Variants in AEBP2 observed in about 807,000 individuals in gnomAD.
The protein encoded by AEBP2 is zinc finger protein AEBP2.
In AEBP2, 10 loss-of-function variants were observed where a neutral mutation model predicts 50.8. The observed-to-expected ratio is 0.20, with a 90% CI of 0.12 to 0.33. AEBP2 has a LOEUF of 0.33. AEBP2 is among the 10% of genes least tolerant of loss of function. AEBP2 has a pLI of 1.00. For synonymous variants in AEBP2, 296 were observed against 261.3 expected, an observed-to-expected ratio of 1.13 and a Z score of -1.28; for missense variants, 570 against 688.0, an observed-to-expected ratio of 0.83 and a Z score of 1.92.
intron 3 of AEBP2, among the ~76,000 whole-genome samples, chr12:19,492,285 T>TC (rs1331179750): frequency 1.3e-5 from 2 of 152,192 alleles, no homozygotes; most frequent in African/African-American, 2.4e-5. Flanking sequence ...CAAATTTTTT[T>TC]CCCCCAAGAT....
intron 1 of AEBP2, chr12:19,457,648 T>G: frequency 7.3e-7 from 1 of 1,374,132 alleles, no homozygotes; most frequent in Non-Finnish European, 9.4e-7. Flanking sequence ...TCCTTTCCCA[T>G]TTTGGCTTTT....
intron 3 of AEBP2, among the ~76,000 whole-genome samples, chr12:19,489,855 C>T (rs897402497): frequency 6.8e-6 from 1 of 146,980 alleles, no homozygotes; most frequent in African/African-American, 2.6e-5. Flanking sequence ...CTCTTTAGTT[C>T]TAAATTTTAC....
rs1344240452 is a variant in AEBP2 at position 19,519,707 on chromosome 12, C to T, written c.*1590C>T. On this transcript the variant is annotated 3_prime_UTR_variant, in exon 8 of 8. Transcript: ENST00000266508. Reference sequence around the variant, plus strand: ...AATATAGAATTAAAACCTTTGGTTCCAAAATGGGAAAGGTTCCACGATACA... The same window carrying T: ...AATATAGAATTAAAACCTTTGGTTCTAAAATGGGAAAGGTTCCACGATACA... The T allele has an allele frequency of 1.3e-5, 2 of 152,356 alleles. No homozygotes were observed. The highest frequency in any genetic ancestry group is 1.5e-5 in the Non-Finnish European group (1 of 67,930). 9.4% of individuals were successfully genotyped at this position (152,356 alleles called of 1,614,324 possible).
rs770489429 is a variant in AEBP2 at position 19,500,228 on chromosome 12, A to AT, written c.1299+9dup. 5 of 1,451,736 alleles carry AT rather than the reference A, an allele frequency of 3.4e-6. No homozygotes were observed. Among genetic ancestry groups the AT allele is most frequent in the Non-Finnish European group, 4.6e-6 (5 of 1,096,434 alleles). 89.9% of individuals were successfully genotyped at this position (1,451,736 alleles called of 1,614,324 possible). On this transcript the variant is annotated splice_region_variant and intron_variant, in intron 5 of 7. Coordinates refer to ENST00000266508, the MANE Select transcript of AEBP2 (RefSeq NM_153207.5). ...TGTTGTTTTTCATAGTACTGTAAGTATTCTTTTATTTTTTCAAATTAAATA... is the reference window on the plus strand; with the variant it reads ...TGTTGTTTTTCATAGTACTGTAAGTATTTCTTTTATTTTTTCAAATTAAATA...
chr12:19,459,356 T>C (rs528250159), intron 1 of AEBP2, among the ~76,000 whole-genome samples: 2 of 151,982 alleles, frequency 1.3e-5, no homozygotes, highest in Non-Finnish European at 2.9e-5. Context: ...CTTAGCCTCC[T>C]GAGTAGCTGG....
intron 3 of AEBP2, among the ~76,000 whole-genome samples, chr12:19,484,380 T>A (rs1185199097): frequency 6.6e-6 from 1 of 151,592 alleles, no homozygotes. Context: ...CTTAATAGTT[T>A]ATTTTTTTGA....
intron 1 of AEBP2, among the ~76,000 whole-genome samples, chr12:19,405,343 T>TG (rs1271224624): frequency 6.6e-6 from 1 of 152,010 alleles, no homozygotes; most frequent in Non-Finnish European, 1.5e-5. Flanking sequence ...ATTTTTTTTT[T>TG]TGAGACGGAG....
At chr12:19,418,389 C>CTTTTTT (rs372043971) in intron 1 of AEBP2, among the ~76,000 whole-genome samples, 11 of 94,924 alleles carry the variant, frequency 1.2e-4, no homozygotes, top group African/African-American at 3.6e-4. Flanking sequence ...CTATGCCTGG[C>CTTTTTT]TTTTTTTTTT....
chr12:19,440,170 C>G lies in AEBP2; in HGVS notation c.471C>G (p.Gly157=), dbSNP rs771958543. The G allele has an allele frequency of 6.0e-6, 9 of 1,490,106 alleles. No homozygotes were observed. Among genetic ancestry groups the G allele is most frequent in the East Asian group, 2.7e-5 (1 of 37,256 alleles). 92.3% of individuals were successfully genotyped at this position (1,490,106 alleles called of 1,614,324 possible). Residue 157 remains glycine (G), a synonymous_variant, in exon 1 of 8, where the codon GGC becomes GGG. Transcript: ENST00000266508. ...SSSGDGDGKE[G]LEEPKGPRGS... is the part of the protein sequence containing the mutation. The stretch of plus-strand genomic sequence containing the variant: ...GCGGGGATGGGGACGGCAAGGAGGG[C>G]CTGGAGGAGCCCAAGGGACCGCGGG...
chr12:19,454,915 A>G (rs1948240311), intron 1 of AEBP2, among the ~76,000 whole-genome samples: 1 of 152,174 alleles, frequency 6.6e-6, no homozygotes, highest in South Asian at 2.1e-4. Flanking sequence ...TCAGCAGTTA[A>G]CCTCAGAATA....
chr12:19,426,634 T>A (rs2095748687), intron 1 of AEBP2, among the ~76,000 whole-genome samples: 1 of 152,146 alleles, frequency 6.6e-6, no homozygotes, highest in Non-Finnish European at 1.5e-5. Flanking sequence ...CCAGGCGTGG[T>A]GACTCACTCC....
In AEBP2 at chr12:19,488,010, A is replaced by G. The variant is rs961439168; in HGVS notation, c.988-5790A>G. 2.0e-5 allele frequency among the ~76,000 whole-genome samples: 3 copies of G among 152,156 alleles called. No individual in the cohort carries two copies. The East Asian group carries it at 5.8e-4, about 29-fold the overall frequency. On this transcript the variant is annotated intron_variant, in intron 3 of 7. Coordinates refer to ENST00000266508, the MANE Select transcript of AEBP2 (RefSeq NM_153207.5). The stretch of plus-strand genomic sequence containing the variant: ...CATTGCAGAGCCTTGCACATTGCAT[A>G]TGTATATTATTATATTACATATTTT...
At chr12:19,450,348 A>C (rs1437363130) in intron 1 of AEBP2, among the ~76,000 whole-genome samples, 1 of 151,666 alleles carries the variant, frequency 6.6e-6, no homozygotes, top group Non-Finnish European at 1.5e-5. Context: ...TATGACCTTG[A>C]ATTTTTATGA....
chr12:19,513,070 C>T (rs906839342), intron 6 of AEBP2, among the ~76,000 whole-genome samples: 1 of 152,074 alleles, frequency 6.6e-6, no homozygotes, highest in African/African-American at 2.4e-5. Context: ...CAGTGAGACT[C>T]TGTCTCAAAA....
intron 1 of AEBP2, among the ~76,000 whole-genome samples, chr12:19,453,703 C>T (rs1416270327): frequency 2.0e-5 from 3 of 152,148 alleles, no homozygotes; most frequent in South Asian, 4.1e-4. Flanking sequence ...GGATTATAGG[C>T]GTGAGCCACC....
intron 1 of AEBP2, among the ~76,000 whole-genome samples, chr12:19,411,195 T>C (rs753196475): frequency 5.3e-5 from 8 of 152,198 alleles, no homozygotes; most frequent in Non-Finnish European, 1.2e-4. Flanking sequence ...GTGGATCTCC[T>C]GAAATTATTT....
intron 1 of AEBP2, among the ~76,000 whole-genome samples, chr12:19,422,139 G>C (rs2095746145): frequency 6.6e-6 from 1 of 152,062 alleles, no homozygotes; most frequent in South Asian, 2.1e-4. Flanking sequence ...AAGACTCTGG[G>C]TGGAGGGGGG....
intron 1 of AEBP2, among the ~76,000 whole-genome samples, chr12:19,411,185 G>A (rs1035370988): frequency 6.6e-6 from 1 of 152,206 alleles, no homozygotes; most frequent in African/African-American, 2.4e-5. Flanking sequence ...CAATTTGAGA[G>A]TGGATCTCCT....
intron 1 of AEBP2, chr12:19,440,810 A>G (rs1592715749): frequency 6.6e-7 from 1 of 1,504,764 alleles, no homozygotes; most frequent in Non-Finnish European, 8.9e-7. Flanking sequence ...TCTCGCCTGG[A>G]TTTAACAGAA....
Sources: gnomAD v4.1 joint callset for allele counts (sites outside exome capture counted in the v4.1 genomes callset) on GRCh38, gnomAD v4.1.1 for gene constraint, MANE v1.5 for transcripts, NCBI Gene and HGNC (gene_info 2026-07-23, HGNC 2026-07-21) for gene names.